The following MB21D2 variants were observed in gnomAD, a reference collection of about 807,000 sequenced individuals.
MB21D2 encodes nucleotidyltransferase MB21D2.
In MB21D2, 9 loss-of-function variants were observed where a neutral mutation model predicts 33.3. The observed-to-expected ratio is 0.27, with a 90% CI of 0.16 to 0.47. MB21D2 has a LOEUF of 0.47. Among genes scored for constraint, MB21D2 ranks in the 20% least tolerant of loss-of-function variants. MB21D2 has a pLI of 0.99. For missense variants in MB21D2, 540 were observed against 624.6 expected, an observed-to-expected ratio of 0.86 and a Z score of 1.44; for synonymous variants, 241 against 236.3, an observed-to-expected ratio of 1.02 and a Z score of -0.18.
chr3:192,809,950 C>T (rs999644745), intron 1 of MB21D2, among the ~76,000 whole-genome samples: 20 of 152,290 alleles, frequency 1.3e-4, no homozygotes, highest in Non-Finnish European at 1.5e-5. Flanking sequence ...TATTCAGATG[C>T]GTAGTCTAAT....
intron 1 of MB21D2, among the ~76,000 whole-genome samples, chr3:192,807,738 C>T (rs755648170): frequency 2.0e-5 from 3 of 152,068 alleles, no homozygotes; most frequent in Non-Finnish European, 4.4e-5. Context: ...TAAGTATGAG[C>T]GTCTCCTATG....
intron 1 of MB21D2, among the ~76,000 whole-genome samples, chr3:192,873,706 T>G (rs1046810782): frequency 6.6e-6 from 1 of 152,202 alleles, no homozygotes; most frequent in Admixed American, 6.5e-5. Context: ...TCTTTTTTTG[T>G]TTTTGTTTTT....
chr3:192,878,905 AGT>A (rs1381962209), intron 1 of MB21D2, among the ~76,000 whole-genome samples: 4 of 152,232 alleles, frequency 2.6e-5, no homozygotes, highest in African/African-American at 9.6e-5. Flanking sequence ...TGGGGTTTGC[AGT>A]GAGTCAAGAC....
intron 1 of MB21D2, among the ~76,000 whole-genome samples, chr3:192,849,821 T>C (rs1348177047): frequency 2.0e-5 from 3 of 152,212 alleles, no homozygotes; most frequent in Non-Finnish European, 4.4e-5. Flanking sequence ...CTCACTCATA[T>C]GTCCCAAGGA....
intron 1 of MB21D2, among the ~76,000 whole-genome samples, chr3:192,907,052 T>C: frequency 6.6e-6 from 1 of 152,260 alleles, no homozygotes; most frequent in African/African-American, 2.4e-5. Context: ...CTATCCCTAG[T>C]TATCTCTTTA....
chr3:192,835,042 T>G (rs1349093489), intron 1 of MB21D2, among the ~76,000 whole-genome samples: 2 of 149,370 alleles, frequency 1.3e-5, no homozygotes, highest in Non-Finnish European at 3.0e-5. Flanking sequence ...TCTCTTGACC[T>G]CGTGATCAGC....
chr3:192,892,960 AAAG>A (rs1230594813), intron 1 of MB21D2, among the ~76,000 whole-genome samples: 1 of 152,220 alleles, frequency 6.6e-6, no homozygotes, highest in African/African-American at 2.4e-5. Flanking sequence ...GTAAGTATTT[AAAG>A]AAGATTAAGA....
intron 1 of MB21D2, among the ~76,000 whole-genome samples, chr3:192,812,010 C>A (rs950450352): frequency 6.6e-6 from 1 of 151,974 alleles, no homozygotes; most frequent in South Asian, 2.1e-4. Context: ...CACCTTTGTC[C>A]GTACTTTCTT....
In MB21D2 at chr3:192,855,549, A is replaced by G. The variant is rs1712898281; in HGVS notation, c.212-55899T>C. Among the ~76,000 whole-genome samples the G allele has an allele frequency of 2.0e-5, 3 of 152,080 alleles. No individual in the cohort carries two copies. The South Asian group carries it at 6.2e-4, about 32-fold the overall frequency. Reference sequence around the variant, plus strand: ...GTGGTGGTGTAGAACTGAACCCACAATATCTTTGAGGTATACCTCTATGCA... The same window carrying G: ...GTGGTGGTGTAGAACTGAACCCACAGTATCTTTGAGGTATACCTCTATGCA... On this transcript the variant is annotated intron_variant, in intron 1 of 1. Coordinates refer to ENST00000392452, the MANE Select transcript of MB21D2 (RefSeq NM_178496.4).
intron 1 of MB21D2, among the ~76,000 whole-genome samples, chr3:192,842,095 T>A (rs1439068800): frequency 2.0e-5 from 3 of 151,850 alleles, no homozygotes; most frequent in Non-Finnish European, 4.4e-5. Context: ...TCGGGGGGCA[T>A]ATAAAAGATG....
intron 1 of MB21D2, among the ~76,000 whole-genome samples, chr3:192,907,846 C>T (rs1428464822): frequency 1.3e-5 from 2 of 151,890 alleles, no homozygotes. Context: ...AACGTGTGCC[C>T]ACTGTGCATT....
At chr3:192,840,284 C>T (rs1032308179) in intron 1 of MB21D2, among the ~76,000 whole-genome samples, 1 of 152,072 alleles carries the variant, frequency 6.6e-6, no homozygotes, top group Non-Finnish European at 1.5e-5. Flanking sequence ...ATACATATTA[C>T]ACATTTTCAA....
In MB21D2 at chr3:192,878,362, C is replaced by T. The variant is rs7643097; in HGVS notation, c.211+39268G>A. On this transcript the variant is annotated intron_variant, in intron 1 of 1. Transcript: ENST00000392452. ...CATTTAAAAAGTGGACACAGATGAA[C>T]GCCTTTATAGACCTCTCTCCCCTTA... Among the ~76,000 whole-genome samples, 1,296 of 152,202 alleles carry T rather than the reference C, an allele frequency of 8.5e-3. 14 individuals are homozygous for T. The highest frequency in any genetic ancestry group is 0.024 in the African/African-American group (1,015 of 41,524).
intron 1 of MB21D2, among the ~76,000 whole-genome samples, chr3:192,847,138 T>C (rs1220013361): frequency 6.6e-6 from 1 of 152,018 alleles, no homozygotes; most frequent in Non-Finnish European, 1.5e-5. Context: ...CCTTCATTAA[T>C]CCCCCAGACA....
In MB21D2 at chr3:192,828,038, CTT is replaced by C. The variant is rs552965515; in HGVS notation, c.212-28390_212-28389del. Among the ~76,000 whole-genome samples, 15 of 152,140 alleles carry C rather than the reference CTT, an allele frequency of 9.9e-5. No homozygotes were observed. The South Asian group carries it at 2.7e-3, about 27-fold the overall frequency. On this transcript the variant is annotated intron_variant, in intron 1 of 1. Transcript: ENST00000392452. ...ACCCCTTTCGCTTGGCTCTCATTCT[CTT>C]GTCTGCCGCCATATAAGACATATCT...
chr3:192,810,326 A>T (rs1711758295), intron 1 of MB21D2, among the ~76,000 whole-genome samples: 1 of 152,168 alleles, frequency 6.6e-6, no homozygotes, highest in Non-Finnish European at 1.5e-5. Context: ...TGTAAAAGAG[A>T]CCTTGAATCG....
At chr3:192,869,202 G>A (rs1713232992) in intron 1 of MB21D2, among the ~76,000 whole-genome samples, 1 of 151,082 alleles carries the variant, frequency 6.6e-6, no homozygotes, top group Non-Finnish European at 1.5e-5. Context: ...ACTGCAGTGA[G>A]CCAAGATGGA....
chr3:192,828,629 T>TTG (rs1560232843), intron 1 of MB21D2, among the ~76,000 whole-genome samples: 1 of 39,612 alleles, frequency 2.5e-5, no homozygotes, highest in African/African-American at 1.8e-4. Context: ...TATATATATA[T>TTG]ATATATATAT....
chr3:192,891,122 C>G lies in MB21D2; in HGVS notation c.211+26508G>C, dbSNP rs145865341. ...AGTTCTTATAGAAGTTTTCTGGTCA[C>G]ATTAATTGGGTGAGTCATTTTATCT... On this transcript the variant is annotated intron_variant, in intron 1 of 1. Coordinates refer to ENST00000392452, the MANE Select transcript of MB21D2 (RefSeq NM_178496.4). 5.2e-4 allele frequency among the ~76,000 whole-genome samples: 79 copies of G among 152,252 alleles called. 1 individual carries two copies. Among genetic ancestry groups the G allele is most frequent in the African/African-American group, 1.9e-3 (77 of 41,494 alleles).
Sources: allele counts gnomAD v4.1 joint callset (sites outside exome capture counted in the v4.1 genomes callset), GRCh38; gene constraint gnomAD v4.1.1; transcripts MANE v1.5; gene names NCBI Gene and HGNC (gene_info 2026-07-23, HGNC 2026-07-21).